SOS2: variants seen among roughly 807,000 people sequenced by gnomAD.
SOS2 encodes the protein SOS Ras/Rho guanine nucleotide exchange factor 2, also known as son of sevenless homolog 2.
In SOS2, 65 loss-of-function variants were observed where a neutral mutation model predicts 148.2. The observed-to-expected ratio is 0.44, with a 90% CI of 0.36 to 0.54. The LOEUF (loss-of-function observed/expected upper bound fraction) is 0.54, where lower values mean the gene tolerates loss of function less well. Among genes scored for constraint, SOS2 ranks in the 20% least tolerant of loss-of-function variants. SOS2 has a pLI of 0.00. For missense variants in SOS2, 1,341 were observed against 1,590.2 expected (o/e 0.84, Z 2.67); for synonymous variants, 539 against 537.1 (o/e 1.00, Z -0.05).
intron 18 of SOS2, among the ~76,000 whole-genome samples, chr14:50,135,446 AC>A (rs1884044413): frequency 6.6e-6 from 1 of 151,508 alleles, no homozygotes; most frequent in African/African-American, 2.4e-5. Flanking sequence ...AATCTTACAA[AC>A]CAGAAATATC....
intron 3 of SOS2, among the ~76,000 whole-genome samples, chr14:50,200,273 C>G (rs1167669968): frequency 6.6e-6 from 1 of 151,320 alleles, no homozygotes; most frequent in Non-Finnish European, 1.5e-5. Flanking sequence ...GTGAGGCAGG[C>G]GGGGCGGGGG....
intron 1 of SOS2, among the ~76,000 whole-genome samples, chr14:50,206,878 T>TCATG (rs1347861989): frequency 6.6e-6 from 1 of 152,322 alleles, no homozygotes; most frequent in Non-Finnish European, 1.5e-5. Context: ...AGTAGTGCAA[T>TCATG]CATGGCTCAC....
At chr14:50,206,410 A>G (rs756728894) in intron 1 of SOS2, among the ~76,000 whole-genome samples, 6 of 152,228 alleles carry the variant, frequency 3.9e-5, no homozygotes, top group Admixed American at 6.5e-5. Context: ...ATAATGGTGT[A>G]ACACTGTATA....
chr14:50,224,348 CACACACACACACACACAT>C (rs1270289750), intron 1 of SOS2, among the ~76,000 whole-genome samples: 30 of 147,056 alleles, frequency 2.0e-4, no homozygotes, highest in African/African-American at 7.3e-4. Flanking sequence ...CACACACACA[CACACACACACACACACAT>C]ATATATAAAT....
chr14:50,215,951 T>C (rs1887029735), intron 1 of SOS2, among the ~76,000 whole-genome samples: 1 of 152,364 alleles, frequency 6.6e-6, no homozygotes, highest in Non-Finnish European at 1.5e-5. Flanking sequence ...AATGTGGAAA[T>C]AAATCCTTTT....
Position 50,145,154 on chromosome 14 carries a change from T to C in SOS2, c.2667+16A>G. On this transcript the variant is annotated intron_variant, in intron 16 of 22. Transcript: ENST00000216373. ...TCATCCCCGAGAAAAATGAAAAAGT[T>C]AAGCCTAAAACTTACCTCAAAGGTA... The C allele has an allele frequency of 7.3e-7, 1 of 1,373,756 alleles. No individual in the cohort carries two copies. The highest frequency in any genetic ancestry group is 9.6e-7 in the Non-Finnish European group (1 of 1,046,554). The allele number at this position is 1,373,756 out of a possible 1,614,324, so 85.1% of individuals were successfully genotyped here. A position where few individuals can be genotyped will look rare whatever the true frequency, so the allele number is the denominator to read the frequency against.
chr14:50,196,697 CT>C (rs1195983691), intron 4 of SOS2, among the ~76,000 whole-genome samples: 3 of 152,068 alleles, frequency 2.0e-5, no homozygotes, highest in Non-Finnish European at 1.5e-5. Flanking sequence ...TCCACATTTT[CT>C]TTGTAATCAT....
intron 4 of SOS2, among the ~76,000 whole-genome samples, chr14:50,188,907 A>G (rs1886013957): frequency 6.6e-6 from 1 of 152,026 alleles, no homozygotes; most frequent in African/African-American, 2.4e-5. Context: ...GACCAAAAAT[A>G]CAAAAAATTA....
intron 19 of SOS2, among the ~76,000 whole-genome samples, chr14:50,131,563 T>C: frequency 6.8e-6 from 1 of 146,856 alleles, no homozygotes; most frequent in African/African-American, 2.4e-5. Flanking sequence ...CATATCTAGT[T>C]TGAGATACTC....
chr14:50,163,765 TCAAA>T lies in SOS2; in HGVS notation c.1069-2160_1069-2157del, dbSNP rs533304863. Reference sequence around the variant, plus strand: ...TTAATAAATATGAATGTTGATGACATCAAACACTTAATTAGAACTGTTTTATTCT... The same window carrying T: ...TTAATAAATATGAATGTTGATGACATCACTTAATTAGAACTGTTTTATTCT... On this transcript the variant is annotated intron_variant, in intron 8 of 22. Transcript: ENST00000216373. Among the ~76,000 whole-genome samples, 14 of 152,362 alleles carry T rather than the reference TCAAA, an allele frequency of 9.2e-5. No homozygotes were observed. The East Asian group carries it at 2.5e-3, about 27-fold the overall frequency.
intron 8 of SOS2, among the ~76,000 whole-genome samples, chr14:50,162,143 G>T (rs925966674): frequency 1.3e-5 from 2 of 151,746 alleles, no homozygotes; most frequent in African/African-American, 4.8e-5. Flanking sequence ...AAACCATTCG[G>T]ACATTTTATT....
In SOS2 at chr14:50,199,697, C is replaced by T. The variant is rs199898102; in HGVS notation, c.504G>A (p.Ala168=). The T allele has an allele frequency of 4.4e-5, 70 of 1,593,742 alleles. No homozygotes were observed. Among genetic ancestry groups the T allele is most frequent in the African/African-American group, 9.5e-5 (7 of 73,962 alleles). The change falls in exon 4 of 23, where the codon GCG becomes GCA. Residue 168 remains alanine, a synonymous_variant. Coordinates refer to ENST00000216373, the MANE Select transcript of SOS2 (RefSeq NM_006939.4). ...SQQDIKVSMC[A]DKVLMDMFDQ... is the part of the protein sequence containing the mutation. ...AATACCTTGTAACACTTACCTTATC[C>T]GCACACATTGACACTTTAATGTCCT... is the stretch of plus-strand genomic sequence containing the variant.
chr14:50,125,395 T>C (rs1244062979), intron 21 of SOS2, among the ~76,000 whole-genome samples: 17 of 152,212 alleles, frequency 1.1e-4, no homozygotes, highest in Admixed American at 1.1e-3. Flanking sequence ...TGTGGGACAA[T>C]ACATTTTTGC....
chr14:50,203,789 CA>C (rs1566478705), intron 2 of SOS2, among the ~76,000 whole-genome samples: 2 of 149,578 alleles, frequency 1.3e-5, no homozygotes, highest in African/African-American at 5.0e-5. Flanking sequence ...ACATAGAGAA[CA>C]TTTTTTTTTT....
At chr14:50,160,978 T>C (rs1884987931) in intron 9 of SOS2, among the ~76,000 whole-genome samples, 1 of 151,748 alleles carries the variant, frequency 6.6e-6, no homozygotes. Flanking sequence ...ATCACTGCAC[T>C]CCAGCCTGGG....
In SOS2 at chr14:50,158,566, G is replaced by A. The variant is rs1181182642; in HGVS notation, c.1933C>T (p.Arg645Trp). 1.9e-6 allele frequency: 3 copies of A among 1,571,122 alleles called. No homozygotes were observed. The highest frequency in any genetic ancestry group is 2.6e-6 in the Non-Finnish European group (3 of 1,149,300). Residue 645 changes from arginine (R) to tryptophan (W), a missense_variant and splice_region_variant, in exon 11 of 23, where the codon CGG becomes TGG. Physicochemically the swap from Arg to Trp is moderately radical, Grantham distance 101. Transcript: ENST00000216373. ...AACTGAAATACATATTTTTCTTACC[G>A]TTCAATCAGTAAGCTCAGCAATTCC... ...PQELLSLLIERFEIPEPEPTD... is the reference protein window; with the variant it reads ...PQELLSLLIEWFEIPEPEPTD...
At chr14:50,122,916 T>C (rs951821608) in intron 21 of SOS2, among the ~76,000 whole-genome samples, 1 of 152,214 alleles carries the variant, frequency 6.6e-6, no homozygotes, top group African/African-American at 2.4e-5. Context: ...GGGCACCTGC[T>C]AATACTGTCA....
At chr14:50,185,561 G>A (rs1177793671) in intron 5 of SOS2, among the ~76,000 whole-genome samples, 5 of 151,954 alleles carry the variant, frequency 3.3e-5, no homozygotes, top group East Asian at 3.9e-4. Flanking sequence ...GCGTGGTGGT[G>A]CACATCTCTA....
intron 15 of SOS2, 41 bp from the exon 16 acceptor site, chr14:50,145,373 A>C (rs765648383): frequency 6.4e-7 from 1 of 1,570,622 alleles, no homozygotes; most frequent in Non-Finnish European, 8.6e-7. Flanking sequence ...AAGTTTCTTC[A>C]CCTCACTTAG....
Sources: allele counts gnomAD v4.1 joint callset (sites outside exome capture counted in the v4.1 genomes callset), GRCh38; gene constraint gnomAD v4.1.1; transcripts MANE v1.5; gene names NCBI Gene and HGNC (gene_info 2026-07-23, HGNC 2026-07-21).